INSYN1: variants seen among roughly 807,000 people sequenced by gnomAD.
The protein encoded by INSYN1 is UPF0583 protein C15orf59.
A neutral mutation model predicts 17.1 loss-of-function variants in INSYN1; 7 were observed. The ratio of observed to expected loss-of-function variants is 0.41; its 90% CI spans 0.23 to 0.77. The LOEUF is 0.77. INSYN1 is among the 30% of genes least tolerant of loss of function. INSYN1 has a pLI of 0.32. For missense variants in INSYN1, 339 were observed against 400.6 expected, an observed-to-expected ratio of 0.85 and a Z score of 1.31; for synonymous variants, 174 against 166.3, an observed-to-expected ratio of 1.05 and a Z score of -0.36.
rs1416283364 is a variant in INSYN1 at position 73,740,142 on chromosome 15, A to G, written c.657T>C (p.Pro219=). The change falls in exon 3 of 3, where the codon CCT becomes CCC. Residue 219 remains proline, a synonymous_variant. Coordinates refer to ENST00000569673, the MANE Select transcript of INSYN1 (RefSeq NM_001039614.3). Reference sequence around the variant, plus strand: ...CATGGGCCTCTGTATGGGCAGGCTCAGGGGGCAAGCCCACTTCTTCCTCCT... The same window carrying G: ...CATGGGCCTCTGTATGGGCAGGCTCGGGGGGCAAGCCCACTTCTTCCTCCT... ...EVEEEEVGLP[P]EPAHTEAHAG... 1 of 1,613,776 alleles carries G rather than the reference A, an allele frequency of 6.2e-7. No homozygotes were observed. Among genetic ancestry groups the G allele is most frequent in the Admixed American group, 1.7e-5 (1 of 59,984 alleles).
At chr15:73,740,844 G>A (rs1901674869) in intron 2 of INSYN1, among the ~76,000 whole-genome samples, 1 of 152,218 alleles carries the variant, frequency 6.6e-6, no homozygotes, top group African/African-American at 2.4e-5. Flanking sequence ...AGGCTGGACA[G>A]AGCTTGTTCC....
rs1416283364 is a variant in INSYN1 at position 73,740,142 on chromosome 15, A to C, written c.657T>G (p.Pro219=). The C allele has an allele frequency of 6.2e-7, 1 of 1,613,776 alleles. No homozygotes were observed. The highest frequency in any genetic ancestry group is 8.5e-7 in the Non-Finnish European group (1 of 1,179,906). ...CATGGGCCTCTGTATGGGCAGGCTC[A>C]GGGGGCAAGCCCACTTCTTCCTCCT... ...EVEEEEVGLP[P]EPAHTEAHAG... The change falls in exon 3 of 3, where the codon CCT becomes CCG. Residue 219 remains proline (P), a synonymous_variant. Coordinates refer to ENST00000569673, the MANE Select transcript of INSYN1 (RefSeq NM_001039614.3).
rs77658573 is a variant in INSYN1 at position 73,749,642 on chromosome 15, G to A, written c.156+1333C>T. 4.1e-3 allele frequency among the ~76,000 whole-genome samples: 630 copies of A among 152,298 alleles called. 5 individuals carry two copies. Among genetic ancestry groups the A allele is most frequent in the Non-Finnish European group, 7.6e-3 (515 of 68,022 alleles). On this transcript the variant is annotated intron_variant, in intron 2 of 2. Coordinates refer to ENST00000569673, the MANE Select transcript of INSYN1 (RefSeq NM_001039614.3). ...AAGAGTTTGGAGGAGGAAGCGTTCC[G>A]CAGGGGCATCTGGCGCTTGATCTCC...
chr15:73,751,172 C>T lies in INSYN1; in HGVS notation c.-42G>A. The T allele has an allele frequency of 1.2e-6, 2 of 1,608,550 alleles. No individual in the cohort carries two copies. Among genetic ancestry groups the T allele is most frequent in the South Asian group, 1.1e-5 (1 of 90,826 alleles). ...GCAGGCCTGCCCATACTCCCCCCAG[C>T]TGGGCACACACTGCGTCTGCCTCCA... On this transcript the variant is annotated 5_prime_UTR_variant, in exon 2 of 3. Transcript: ENST00000569673.
At position 73,737,770 on chromosome 15, in the gene INSYN1, C is replaced by G. The variant is rs939686779; in HGVS notation, c.*2147G>C. 6.6e-6 allele frequency: 1 copy of G among 152,320 alleles called. No individual in the cohort carries two copies. The highest frequency in any genetic ancestry group is 2.4e-5 in the African/African-American group (1 of 41,480). The allele number at this position is 152,320 out of a possible 1,614,324, so 9.4% of individuals were successfully genotyped here. ...CGGGGCTGGATAGCACCTCTTCAGG[C>G]AGGAGCAGTGGGTGCTGCCAGGCCT... On this transcript the variant is annotated 3_prime_UTR_variant, in exon 3 of 3. Coordinates refer to ENST00000569673, the MANE Select transcript of INSYN1 (RefSeq NM_001039614.3).
chr15:73,740,306 A>G lies in INSYN1; in HGVS notation c.493T>C (p.Phe165Leu). Residue 165 changes from phenylalanine to leucine, a missense_variant, in exon 3 of 3, where the codon TTT (phenylalanine) becomes CTT (leucine). Physicochemically the swap from Phe to Leu is conservative, Grantham distance 22. Transcript: ENST00000569673. ...ETPDSSSEEA[F>L]GAGPTVKSQL... The stretch of plus-strand genomic sequence containing the variant: ...CTCTTCACCGTGGGGCCAGCACCAA[A>G]GGCCTCCTCACTGGAGGAGTCTGGG... The G allele has an allele frequency of 6.2e-7, 1 of 1,612,768 alleles. No homozygotes were observed. Among genetic ancestry groups the G allele is most frequent in the Non-Finnish European group, 8.5e-7 (1 of 1,179,464 alleles).
Position 73,753,043 on chromosome 15 carries a change from C to G in INSYN1, c.-1501G>C, listed in dbSNP as rs1274033204. On this transcript the variant is annotated 5_prime_UTR_variant, in exon 1 of 3. Transcript: ENST00000569673. The surrounding 1 kb of genome is among the most constrained non-coding windows in gnomAD (Gnocchi z 4.2). The stretch of plus-strand genomic sequence containing the variant: ...CGCAGCCTCCGCTCGGCTCCGCTAC[C>G]TCCCGTCCGTTCGCTCTCGGCTCCC... Among the ~76,000 whole-genome samples, 1 of 150,170 alleles carries G rather than the reference C, an allele frequency of 6.7e-6. No individual in the cohort carries two copies. The highest frequency in any genetic ancestry group is 1.5e-5 in the Non-Finnish European group (1 of 67,116).
rs781567799 is a variant in INSYN1, at chr15:73,740,489, C to A, written c.310G>T (p.Asp104Tyr). Residue 104 changes from aspartate to tyrosine, a missense_variant, in exon 3 of 3, where the codon GAT (aspartate) becomes TAT (tyrosine). Transcript: ENST00000569673. ...DLGHLDFMTA[D>Y]ILSDSWEFCS... Reference sequence around the variant, plus strand: ...AACTCCCAGCTGTCTGAGAGGATATCGGCTGTCATGAAGTCCAGGTGGCCC... The same window carrying A: ...AACTCCCAGCTGTCTGAGAGGATATAGGCTGTCATGAAGTCCAGGTGGCCC... The A allele has an allele frequency of 3.7e-6, 6 of 1,613,886 alleles. No homozygotes were observed. The highest frequency in any genetic ancestry group is 5.1e-6 in the Non-Finnish European group (6 of 1,180,042).
chr15:73,750,902 T>C (rs1046112640), intron 2 of INSYN1, 73 bp downstream of exon 2: 120 of 1,535,132 alleles, frequency 7.8e-5, no homozygotes, highest in Middle Eastern at 5.1e-4. Context: ...AACGTATTTA[T>C]GAGTACGTTT....
Position 73,740,488 on chromosome 15 carries a change from T to G in INSYN1, c.311A>C (p.Asp104Ala). The G allele has an allele frequency of 6.2e-7, 1 of 1,613,958 alleles. No homozygotes were observed. Among genetic ancestry groups the G allele is most frequent in the Non-Finnish European group, 8.5e-7 (1 of 1,180,032 alleles). ...DLGHLDFMTA[D>A]ILSDSWEFCS... Reference sequence around the variant, plus strand: ...GAACTCCCAGCTGTCTGAGAGGATATCGGCTGTCATGAAGTCCAGGTGGCC... The same window carrying G: ...GAACTCCCAGCTGTCTGAGAGGATAGCGGCTGTCATGAAGTCCAGGTGGCC... Residue 104 changes from aspartate to alanine, a missense_variant, in exon 3 of 3, where the codon GAT becomes GCT. Physicochemically the swap from Asp to Ala is moderately radical, Grantham distance 126. Transcript: ENST00000569673.
At chr15:73,743,463 G>A (rs1426210815) in intron 2 of INSYN1, among the ~76,000 whole-genome samples, 1 of 152,046 alleles carries the variant, frequency 6.6e-6, no homozygotes, top group African/African-American at 2.4e-5. Context: ...CCCCCTCTGG[G>A]GCTTGATTTC....
chr15:73,740,651 G>A lies in INSYN1; in HGVS notation c.157-9C>T. 6.3e-7 allele frequency: 1 copy of A among 1,598,088 alleles called. No homozygotes were observed. Among genetic ancestry groups the A allele is most frequent in the Non-Finnish European group, 8.5e-7 (1 of 1,170,922 alleles). ...TCGATCTGGCTCACCACCTGACCAG[G>A]GAAGGGGAGAGGAGATGAGAGGGGC... On this transcript the variant is annotated splice_polypyrimidine_tract_variant and intron_variant, in intron 2 of 2. Transcript: ENST00000569673.
At position 73,735,939 on chromosome 15, in the gene INSYN1, A is replaced by G. The variant is rs1483447533; in HGVS notation, c.*3978T>C. The G allele has an allele frequency of 3.3e-5, 5 of 152,442 alleles. No homozygotes were observed. The highest frequency in any genetic ancestry group is 1.2e-4 in the African/African-American group (5 of 41,446). The allele number at this position is 152,442 out of a possible 1,614,324, so 9.4% of individuals were successfully genotyped here. On this transcript the variant is annotated 3_prime_UTR_variant, in exon 3 of 3. Coordinates refer to ENST00000569673, the MANE Select transcript of INSYN1 (RefSeq NM_001039614.3). ...GCCCAGTGGACATGAGTTATTCATCATGCTATGACTTCTCTCCATCACCAG... is the reference window on the plus strand; with the variant it reads ...GCCCAGTGGACATGAGTTATTCATCGTGCTATGACTTCTCTCCATCACCAG...
rs1567034030 is a variant in INSYN1 at position 73,737,599 on chromosome 15, T to C, written c.*2318A>G. ...TCCACACTGGTGGCTGCACCCTGGC[T>C]AACTCTTTAGGGCTCCAATCTCACC... On this transcript the variant is annotated 3_prime_UTR_variant, in exon 3 of 3. Coordinates refer to ENST00000569673, the MANE Select transcript of INSYN1 (RefSeq NM_001039614.3). The C allele has an allele frequency of 6.6e-6, 1 of 152,452 alleles. No individual in the cohort carries two copies. The highest frequency in any genetic ancestry group is 1.5e-5 in the Non-Finnish European group (1 of 68,106). 9.4% of individuals were successfully genotyped at this position (152,452 alleles called of 1,614,324 possible). A position where few individuals can be genotyped will look rare whatever the true frequency, so the allele number is the denominator to read the frequency against.
chr15:73,746,231 C>T (rs1481995414), intron 2 of INSYN1, among the ~76,000 whole-genome samples: 2 of 152,062 alleles, frequency 1.3e-5, no homozygotes, highest in African/African-American at 2.4e-5. Flanking sequence ...GCGAGCTGAT[C>T]GTGATTCATG....
chr15:73,740,643 C>A lies in INSYN1; in HGVS notation c.157-1G>T. The stretch of plus-strand genomic sequence containing the variant: ...TTAGCTTATCGATCTGGCTCACCAC[C>A]TGACCAGGGAAGGGGAGAGGAGATG... On this transcript the variant is annotated splice_acceptor_variant, in intron 2 of 2. Coordinates refer to ENST00000569673, the MANE Select transcript of INSYN1 (RefSeq NM_001039614.3). LOFTEE classifies it high-confidence loss of function. 13 of 1,603,888 alleles carry A rather than the reference C, an allele frequency of 8.1e-6. No individual in the cohort carries two copies. The highest frequency in any genetic ancestry group is 1.0e-5 in the Non-Finnish European group (12 of 1,174,176).
Position 73,740,359 on chromosome 15 carries a change from G to C in INSYN1, c.440C>G (p.Pro147Arg). Residue 147 changes from proline to arginine, a missense_variant, in exon 3 of 3, where the codon CCC becomes CGC. Physicochemically the swap from Pro to Arg is moderately radical, Grantham distance 103 (BLOSUM62 -2). Coordinates refer to ENST00000569673, the MANE Select transcript of INSYN1 (RefSeq NM_001039614.3). ...CTCCACTCGTGGCCCATTGGGGATG[G>C]GCGTGCCACCATTCATGAGGCGGTA... ...PDYRLMNGGT[P>R]IPNGPRVETP... The C allele has an allele frequency of 6.2e-7, 1 of 1,607,108 alleles. No homozygotes were observed. The highest frequency in any genetic ancestry group is 1.1e-5 in the South Asian group (1 of 90,068).
Position 73,735,502 on chromosome 15 carries a change from A to G in INSYN1, c.*4415T>C, listed in dbSNP as rs977891397. 7 of 152,252 alleles carry G rather than the reference A, an allele frequency of 4.6e-5. No homozygotes were observed. The highest frequency in any genetic ancestry group is 1.0e-4 in the Non-Finnish European group (7 of 68,048). 9.4% of individuals were successfully genotyped at this position (152,252 alleles called of 1,614,324 possible). On this transcript the variant is annotated 3_prime_UTR_variant, in exon 3 of 3. Coordinates refer to ENST00000569673, the MANE Select transcript of INSYN1 (RefSeq NM_001039614.3). ...TTGAACCCATAATCCATTTGGTGCC[A>G]GTCTCCGAGTCAGGGGTGGTGACAT...
Position 73,740,121 on chromosome 15 carries a change from G to A in INSYN1, c.678C>T (p.Ala226=), listed in dbSNP as rs1287150184. 2.5e-6 allele frequency: 4 copies of A among 1,613,820 alleles called. No individual in the cohort carries two copies. Among genetic ancestry groups the A allele is most frequent in the South Asian group, 1.1e-5 (1 of 91,062 alleles). ...GGGAGGGCTTGTGGGGGCCTGCATG[G>A]GCCTCTGTATGGGCAGGCTCAGGGG... ...GLPPEPAHTE[A]HAGPHKPSPA... is the part of the protein sequence containing the mutation. Residue 226 remains alanine (A), a synonymous_variant, in exon 3 of 3, where the codon GCC becomes GCT. Coordinates refer to ENST00000569673, the MANE Select transcript of INSYN1 (RefSeq NM_001039614.3).
Sources: allele counts gnomAD v4.1 joint callset (sites outside exome capture counted in the v4.1 genomes callset), GRCh38; gene constraint gnomAD v4.1.1; non-coding constraint Gnocchi (gnomAD v3.1); transcripts MANE v1.5; gene names NCBI Gene and HGNC (gene_info 2026-07-23, HGNC 2026-07-21).